The following ZFYVE26 variants were observed in gnomAD, a reference collection of about 807,000 sequenced individuals.
The protein encoded by ZFYVE26 is zinc finger FYVE domain-containing protein 26.
In ZFYVE26, 181 loss-of-function variants were observed where a neutral mutation model predicts 276.5. The observed-to-expected ratio is 0.65, with a 90% confidence interval of 0.58 to 0.74. The LOEUF (loss-of-function observed/expected upper bound fraction) is 0.74. Among genes scored for constraint, ZFYVE26 ranks in the 30% least tolerant of loss-of-function variants. The pLI is 0.00. For synonymous variants in ZFYVE26, 1,129 were observed against 1,203.1 expected (o/e 0.94, Z 1.27); for missense variants, 2,821 against 3,097.9 (o/e 0.91, Z 2.12).
At chr14:67,800,784 G>A (rs996776700) in intron 10 of ZFYVE26, among the ~76,000 whole-genome samples, 2 of 151,984 alleles carry the variant, frequency 1.3e-5, no homozygotes, top group African/African-American at 4.8e-5. Context: ...AGGTAAAGTC[G>A]ACACATTTTC....
Position 67,755,940 on chromosome 14 carries a change from G to A in ZFYVE26, c.6786+8C>T. On this transcript the variant is annotated splice_region_variant and intron_variant, in intron 36 of 41. Transcript: ENST00000347230. Reference sequence around the variant, plus strand: ...CAGAGGTAGAAGGCAGGAAGGGGCTGCCATTACCTTCATAAACTGCTGCAG... The same window carrying A: ...CAGAGGTAGAAGGCAGGAAGGGGCTACCATTACCTTCATAAACTGCTGCAG... 1 of 1,614,174 alleles carries A rather than the reference G, an allele frequency of 6.2e-7. No individual in the cohort carries two copies. The highest frequency in any genetic ancestry group is 1.3e-5 in the African/African-American group (1 of 75,036).
Position 67,804,187 on chromosome 14 carries a change from T to A in ZFYVE26, c.1349A>T (p.His450Leu). The A allele has an allele frequency of 6.2e-7, 1 of 1,614,134 alleles. No individual in the cohort carries two copies. The highest frequency in any genetic ancestry group is 1.1e-5 in the South Asian group (1 of 91,086). ...DSHSVLYTLH[H>L]LTNLPALREE... ...CCTGAGGGCTGGAAGGTTTGTAAGG[T>A]GATGGAGAGTGTAGAGCACTGAGTG... Residue 450 changes from histidine to leucine, a missense_variant, in exon 9 of 42, where the codon CAC becomes CTC. By Grantham distance (99) the His-to-Leu change is moderately conservative. Coordinates refer to ENST00000347230, the MANE Select transcript of ZFYVE26 (RefSeq NM_015346.4).
intron 9 of ZFYVE26, 56 bp from the exon 10 acceptor site, chr14:67,802,338 G>A: frequency 6.4e-7 from 1 of 1,571,094 alleles, no homozygotes; most frequent in African/African-American, 1.3e-5. Flanking sequence ...CAGGATGCAA[G>A]TATGGGTGAA....
intron 10 of ZFYVE26, among the ~76,000 whole-genome samples, chr14:67,801,875 A>C (rs557584001): frequency 6.2e-4 from 94 of 152,312 alleles, no homozygotes; most frequent in African/African-American, 2.2e-3. Context: ...AGGTGATCAG[A>C]CTCTGTTAAA....
intron 16 of ZFYVE26, among the ~76,000 whole-genome samples, chr14:67,786,983 A>T (rs1348948028): frequency 6.6e-6 from 1 of 152,204 alleles, no homozygotes. Flanking sequence ...TGGGATCCAA[A>T]AATCAAAATA....
Position 67,785,999 on chromosome 14 carries a change from C to G in ZFYVE26, c.3163G>C (p.Gly1055Arg). The G allele has an allele frequency of 1.2e-6, 2 of 1,614,160 alleles. No individual in the cohort carries two copies. Among genetic ancestry groups the G allele is most frequent in the Non-Finnish European group, 1.7e-6 (2 of 1,180,038 alleles). The change falls in exon 18 of 42, where the codon GGC becomes CGC. Residue 1055 changes from glycine to arginine, a missense_variant. Physicochemically the swap from Gly to Arg is moderately radical, Grantham distance 125 (BLOSUM62 -2). Coordinates refer to ENST00000347230, the MANE Select transcript of ZFYVE26 (RefSeq NM_015346.4). ...TCAGTGATGCTGCACCGTGGAGGGC[C>G]TCCTCCCTTTTCTTCCACACTCTCT... ...KSESVEEKGG[G>R]PPRCSITELL...
At chr14:67,806,403 C>CT in intron 6 of ZFYVE26, 142 bp downstream of exon 6, 1 of 984,464 alleles carries the variant, frequency 1.0e-6, no homozygotes, top group African/African-American at 1.6e-5. Context: ...TCCCATGGGA[C>CT]TGTGGGAGGG....
Position 67,756,167 on chromosome 14 carries a change from A to G in ZFYVE26, c.6589-22T>C. On this transcript the variant is annotated intron_variant, in intron 35 of 41. Transcript: ENST00000347230. ...TCTCCTGGAGCAGGGCAGGGCGAGA[A>G]GTCAGAAGTCTTGAGCCTGGTTCTG... 1.9e-6 allele frequency: 3 copies of G among 1,613,662 alleles called. No individual in the cohort carries two copies. The East Asian group carries it at 6.7e-5, about 36-fold the overall frequency.
chr14:67,772,687 C>G (rs910980848), intron 27 of ZFYVE26, among the ~76,000 whole-genome samples: 3 of 152,188 alleles, frequency 2.0e-5, no homozygotes, highest in African/African-American at 7.2e-5. Flanking sequence ...GTAATCCCAG[C>G]ACTTTGGGAG....
intron 13 of ZFYVE26, among the ~76,000 whole-genome samples, chr14:67,736,753 C>T (rs1261270690): frequency 6.6e-6 from 1 of 152,128 alleles, no homozygotes; most frequent in African/African-American, 2.4e-5. Flanking sequence ...CATTTGCACA[C>T]AGCAAATTTA....
At chr14:67,751,255 T>G in intron 40 of ZFYVE26, 159 bp from the exon 41 acceptor site, 2 of 755,526 alleles carry the variant, frequency 2.6e-6, no homozygotes, top group Non-Finnish European at 4.6e-6. Context: ...ATGTTGCCCA[T>G]GCTGGAGTGT....
chr14:67,771,864 C>A (rs748687208), intron 28 of ZFYVE26, among the ~76,000 whole-genome samples, 183 bp downstream of exon 28: 2 of 152,166 alleles, frequency 1.3e-5, no homozygotes, highest in Non-Finnish European at 2.9e-5. Flanking sequence ...GTGTCTACTA[C>A]CTGTCTGAAT....
intron 36 of ZFYVE26, among the ~76,000 whole-genome samples, chr14:67,755,557 C>T (rs985743828): frequency 1.3e-5 from 2 of 152,220 alleles, no homozygotes; most frequent in Admixed American, 6.5e-5. Context: ...CAATTTAGTA[C>T]TGACTATCCT....
chr14:67,758,322 A>T (rs1333658786), intron 35 of ZFYVE26, among the ~76,000 whole-genome samples: 4 of 152,214 alleles, frequency 2.6e-5, no homozygotes, highest in Admixed American at 6.5e-5. Context: ...TTTAAGAAGC[A>T]GGGGCATTAG....
Position 67,807,474 on chromosome 14 carries a change from G to A in ZFYVE26, c.810C>T (p.Gly270=). The change falls in exon 5 of 42, where the codon GGC becomes GGT. Residue 270 remains glycine, a synonymous_variant. Coordinates refer to ENST00000347230, the MANE Select transcript of ZFYVE26 (RefSeq NM_015346.4). ...LSCLLHKASR[G]LLSLYGHTYA... ...AGGTATGGCCATACAGGGACAGCAG[G>A]CCCCGGCTGGCCTTGTGCAGCAGGC... is the stretch of plus-strand genomic sequence containing the variant. 3 of 1,614,104 alleles carry A rather than the reference G, an allele frequency of 1.9e-6. No homozygotes were observed. The highest frequency in any genetic ancestry group is 1.7e-5 in the Admixed American group (1 of 60,022).
rs2040400260 is a variant in ZFYVE26, at chr14:67,816,063, GC to G, written c.-83-18del. 3.1e-6 allele frequency: 3 copies of G among 972,222 alleles called. No individual in the cohort carries two copies. The African/African-American group carries it at 4.9e-5, about 16-fold the overall frequency. 60.2% of individuals were successfully genotyped at this position (972,222 alleles called of 1,614,324 possible). A position where few individuals can be genotyped will look rare whatever the true frequency, so the allele number is the denominator to read the frequency against. On this transcript the variant is annotated intron_variant, in intron 1 of 41. Transcript: ENST00000347230. ...GAGTACCTCCTAGAAACAACACAAC[GC>G]CAGTGAGAAGAAACAGAAGGCACTG...
Position 67,806,611 on chromosome 14 carries a change from G to A in ZFYVE26, c.951C>T (p.Ala317=), listed in dbSNP as rs142029189. The A allele has an allele frequency of 4.2e-5, 67 of 1,614,176 alleles. No individual in the cohort carries two copies. Among genetic ancestry groups the A allele is most frequent in the African/African-American group, 2.1e-4 (16 of 75,056 alleles). The change falls in exon 6 of 42, where the codon GCC becomes GCT. Residue 317 remains alanine (A), a synonymous_variant. Coordinates refer to ENST00000347230, the MANE Select transcript of ZFYVE26 (RefSeq NM_015346.4). ...AGAAATAGGCCACTTTCCAAGCCTC[G>A]GCTGGGTTGGGATTGGAGAACAGGG... ...MLALFSNPNP[A]EAWKVAYFYC...
At chr14:67,794,390 C>A in intron 12 of ZFYVE26, 151 bp from the exon 13 acceptor site, 2 of 823,924 alleles carry the variant, frequency 2.4e-6, no homozygotes, top group Non-Finnish European at 2.1e-6. Flanking sequence ...CAGCAAAACA[C>A]AAGCTCCTAT....
intron 38 of ZFYVE26, 113 bp from the exon 39 acceptor site, chr14:67,753,879 C>T: frequency 2.7e-6 from 4 of 1,486,466 alleles, no homozygotes; most frequent in Non-Finnish European, 3.7e-6. Context: ...TGTTGAGACC[C>T]TGCTAAGTGC....
Sources: allele counts gnomAD v4.1 joint callset (sites outside exome capture counted in the v4.1 genomes callset), GRCh38; gene constraint gnomAD v4.1.1; transcripts MANE v1.5; gene names NCBI Gene and HGNC (gene_info 2026-07-23, HGNC 2026-07-21).